The following CRMP1 variants were observed in gnomAD, a reference collection of about 807,000 sequenced individuals.
The protein encoded by CRMP1 is dihydropyrimidinase-related protein 1.
Under a neutral mutation model 68.3 loss-of-function variants are expected in CRMP1, and 19 were observed. The ratio of observed to expected loss-of-function variants is 0.28; its 90% CI spans 0.19 to 0.41. The LOEUF is 0.41. CRMP1 is among the 10% of genes least tolerant of loss of function. The pLI is 1.00. For missense variants in CRMP1, 791 were observed against 967.4 expected, an observed-to-expected ratio of 0.82 and a Z score of 2.42; for synonymous variants, 439 against 399.6, an observed-to-expected ratio of 1.10 and a Z score of -1.18.
At position 5,834,476 on chromosome 4, in the gene CRMP1, A is replaced by G. The variant is rs1720592705; in HGVS notation, c.1623+1439T>C. Reference sequence around the variant, plus strand: ...TCTGCCCTCTGCCATGGGATAACTCAGCAAGAAGGCCTTTGCCAGATGCCG... The same window carrying G: ...TCTGCCCTCTGCCATGGGATAACTCGGCAAGAAGGCCTTTGCCAGATGCCG... On this transcript the variant is annotated intron_variant, in intron 11 of 13. Coordinates refer to ENST00000324989, the MANE Select transcript of CRMP1 (RefSeq NM_001014809.3). This position sits in a 1 kb window ranked among gnomAD's most constrained non-coding sequence, Gnocchi z 4.3. Among the ~76,000 whole-genome samples, 1 of 152,216 alleles carries G rather than the reference A, an allele frequency of 6.6e-6. No individual in the cohort carries two copies. The highest frequency in any genetic ancestry group is 2.1e-4 in the South Asian group (1 of 4,834).
At chr4:5,867,354 T>C (rs191008198) in intron 1 of CRMP1, among the ~76,000 whole-genome samples, 1 of 152,312 alleles carries the variant, frequency 6.6e-6, no homozygotes, top group Non-Finnish European at 1.5e-5. Flanking sequence ...TCCTCCCTTT[T>C]CAATGTCATT....
At position 5,824,859 on chromosome 4, in the gene CRMP1, C is replaced by T. The variant is rs560116273; in HGVS notation, c.1969+635G>A. ...TGCGTGCCTGCCCTCATGTGGCCATCTCACCAAATCACAGATACACTGCCC... is the reference window on the plus strand; with the variant it reads ...TGCGTGCCTGCCCTCATGTGGCCATTTCACCAAATCACAGATACACTGCCC... On this transcript the variant is annotated intron_variant, in intron 13 of 13. Transcript: ENST00000324989. 5.1e-6 allele frequency: 5 copies of T among 985,406 alleles called. No individual in the cohort carries two copies. The East Asian group carries it at 5.7e-4, about 112-fold the overall frequency. The allele number at this position is 985,406 out of a possible 1,614,324, so 61.0% of individuals were successfully genotyped here. A position where few individuals can be genotyped will look rare whatever the true frequency, so the allele number is the denominator to read the frequency against.
Position 5,860,979 on chromosome 4 carries a change from G to A in CRMP1, c.655+47C>T, listed in dbSNP as rs1377821804. ...CACTTGTGATGCTGGTGATGGGGAG[G>A]AGACCTCACAGTCTATGTCCCTAAG... On this transcript the variant is annotated intron_variant, in intron 3 of 13. Transcript: ENST00000324989. This position sits in a 1 kb window ranked among gnomAD's most constrained non-coding sequence, Gnocchi z 4.2. 5 of 1,571,590 alleles carry A rather than the reference G, an allele frequency of 3.2e-6. No homozygotes were observed. Among genetic ancestry groups the A allele is most frequent in the South Asian group, 1.1e-5 (1 of 87,152 alleles).
At chr4:5,852,751 C>T (rs1712755257) in intron 4 of CRMP1, among the ~76,000 whole-genome samples, 2 of 152,090 alleles carry the variant, frequency 1.3e-5, no homozygotes, top group Non-Finnish European at 1.5e-5. Context: ...GGAGTATCAG[C>T]AAGTCAATGG....
At chr4:5,833,159 C>CT (rs1160531301) in intron 11 of CRMP1, among the ~76,000 whole-genome samples, 3,024 of 84,612 alleles carry the variant, frequency 0.036, 244 homozygotes, top group African/African-American at 0.079. Context: ...CCTTCCAGAA[C>CT]TTTTTTTTTT....
At chr4:5,863,104 TTC>T (rs935406472) in intron 2 of CRMP1, among the ~76,000 whole-genome samples, 5 of 137,404 alleles carry the variant, frequency 3.6e-5, no homozygotes, top group Admixed American at 2.4e-4. Context: ...CTGACCTTTT[TTC>T]TTTTTTTCCT....
chr4:5,825,747 AG>A lies in CRMP1; in HGVS notation c.1804-89del, dbSNP rs1719464281. On this transcript the variant is annotated intron_variant, in intron 12 of 13. Coordinates refer to ENST00000324989, the MANE Select transcript of CRMP1 (RefSeq NM_001014809.3). This position sits in a 1 kb window ranked among gnomAD's most constrained non-coding sequence, Gnocchi z 4.4. ...TAAAGCAGAGCCCTGCGGGCGAGAGAGAAACCTGAGGTCACTTCAAATGTGC... is the reference window on the plus strand; with the variant it reads ...TAAAGCAGAGCCCTGCGGGCGAGAGAAAACCTGAGGTCACTTCAAATGTGC... 2.9e-6 allele frequency: 4 copies of A among 1,390,212 alleles called. No individual in the cohort carries two copies. The highest frequency in any genetic ancestry group is 4.0e-6 in the Non-Finnish European group (4 of 1,010,198). 86.1% of individuals were successfully genotyped at this position (1,390,212 alleles called of 1,614,324 possible).
At chr4:5,875,981 T>C (rs796406307) in intron 1 of CRMP1, among the ~76,000 whole-genome samples, 26 of 151,962 alleles carry the variant, frequency 1.7e-4, no homozygotes, top group African/African-American at 6.0e-4. Context: ...TGAAACCCCG[T>C]CTCTACTAAA....
chr4:5,857,946 C>A (rs2152466787), intron 3 of CRMP1, among the ~76,000 whole-genome samples: 1 of 152,328 alleles, frequency 6.6e-6, no homozygotes, highest in Non-Finnish European at 1.5e-5. Flanking sequence ...CACCCCCACC[C>A]TTCACAGGCA....
At chr4:5,878,670 C>T (rs559757077) in intron 1 of CRMP1, among the ~76,000 whole-genome samples, 3 of 152,188 alleles carry the variant, frequency 2.0e-5, no homozygotes, top group African/African-American at 7.2e-5. Flanking sequence ...TAGGCTCTAA[C>T]GTGGCCCCAC....
intron 11 of CRMP1, among the ~76,000 whole-genome samples, chr4:5,832,025 T>C (rs900720242): frequency 1.2e-4 from 18 of 152,224 alleles, no homozygotes; most frequent in Admixed American, 5.2e-4. Flanking sequence ...ATCCATGATA[T>C]AGCACGGATG....
chr4:5,828,255 G>A (rs866950955), intron 12 of CRMP1: 6 of 985,278 alleles, frequency 6.1e-6, no homozygotes, highest in Middle Eastern at 5.2e-4. Flanking sequence ...CCTCACGGGT[G>A]CACACCCCTC....
chr4:5,884,994 A>AC (rs1715479632), intron 1 of CRMP1, among the ~76,000 whole-genome samples: 1 of 151,358 alleles, frequency 6.6e-6, no homozygotes, highest in Admixed American at 6.6e-5. Context: ...TAAAAAAAAA[A>AC]AAAAAGACAC....
intron 6 of CRMP1, among the ~76,000 whole-genome samples, chr4:5,844,261 T>C (rs910094480): frequency 6.6e-6 from 1 of 151,338 alleles, no homozygotes. Flanking sequence ...TTAGAAAATG[T>C]TTACAAAAAG....
In CRMP1 at chr4:5,834,064, A is replaced by C. The variant is rs1353899083; in HGVS notation, c.1623+1851T>G. On this transcript the variant is annotated intron_variant, in intron 11 of 13. Coordinates refer to ENST00000324989, the MANE Select transcript of CRMP1 (RefSeq NM_001014809.3). The surrounding 1 kb of genome is among the most constrained non-coding windows in gnomAD (Gnocchi z 4.3). ...CCATCTCAACAACAACAAAAGGAAT[A>C]GTAAGACAATCCCAGCTCAGTCTAC... Among the ~76,000 whole-genome samples, 2 of 152,198 alleles carry C rather than the reference A, an allele frequency of 1.3e-5. No individual in the cohort carries two copies. Among genetic ancestry groups the C allele is most frequent in the Non-Finnish European group, 2.9e-5 (2 of 68,040 alleles).
rs1291045444 is a variant in CRMP1 at position 5,853,585 on chromosome 4, T to C, written c.821-2116A>G. Among the ~76,000 whole-genome samples the C allele has an allele frequency of 6.6e-6, 1 of 152,200 alleles. No homozygotes were observed. Among genetic ancestry groups the C allele is most frequent in the Non-Finnish European group, 1.5e-5 (1 of 68,032 alleles). On this transcript the variant is annotated intron_variant, in intron 4 of 13. Transcript: ENST00000324989. This position sits in a 1 kb window ranked among gnomAD's most constrained non-coding sequence, Gnocchi z 4.7. Reference sequence around the variant, plus strand: ...TTACCATATGCTTCAGCAGTCCCACTACCGGCTGAAAATCCAAAGGAATTG... The same window carrying C: ...TTACCATATGCTTCAGCAGTCCCACCACCGGCTGAAAATCCAAAGGAATTG...
rs530514030 is a variant in CRMP1, at chr4:5,830,954, T to TTTTG, written c.1624-2290_1624-2287dup. 3.9e-5 allele frequency among the ~76,000 whole-genome samples: 6 copies of TTTTG among 152,240 alleles called. No individual in the cohort carries two copies. The East Asian group carries it at 7.7e-4, about 20-fold the overall frequency. The stretch of plus-strand genomic sequence containing the variant: ...TTTATGTAAGTCTTTAGTTTTTTAT[T>TTTTG]TTTGTTTGTTTGTTTGGTTGTTTTG... On this transcript the variant is annotated intron_variant, in intron 11 of 13. Transcript: ENST00000324989.
intron 1 of CRMP1, among the ~76,000 whole-genome samples, chr4:5,868,253 C>CTATATATCTATATATATATA (rs1560513076): frequency 9.7e-4 from 81 of 83,106 alleles, no homozygotes; most frequent in African/African-American, 3.4e-3. Flanking sequence ...TTCTTCATGA[C>CTATATATCTATATATATATA]TATATATCTA....
rs1330639202 is a variant in CRMP1 at position 5,892,116 on chromosome 4, C to T, written c.381+473G>A. ...AAGCTGTGTGGCCGCAGGCGACTCG[C>T]GGAACCTCTCCCGGGGCCCGGCACA... is the stretch of plus-strand genomic sequence containing the variant. On this transcript the variant is annotated intron_variant, in intron 1 of 13. Coordinates refer to ENST00000324989, the MANE Select transcript of CRMP1 (RefSeq NM_001014809.3). The surrounding 1 kb of genome is among the most constrained non-coding windows in gnomAD (Gnocchi z 8.6). Among the ~76,000 whole-genome samples, 1 of 152,194 alleles carries T rather than the reference C, an allele frequency of 6.6e-6. No homozygotes were observed. The highest frequency in any genetic ancestry group is 1.5e-5 in the Non-Finnish European group (1 of 68,026).
Sources: gnomAD v4.1 joint callset for allele counts (sites outside exome capture counted in the v4.1 genomes callset) on GRCh38, gnomAD v4.1.1 for gene constraint, Gnocchi (gnomAD v3.1) non-coding constraint, MANE v1.5 for transcripts, NCBI Gene and HGNC (gene_info 2026-07-23, HGNC 2026-07-21) for gene names.